The following TMEM132B variants were observed in gnomAD, a reference collection of about 807,000 sequenced individuals.
TMEM132B encodes transmembrane protein 132B.
Under a neutral mutation model 90.8 loss-of-function variants are expected in TMEM132B, and 18 were observed. The observed-to-expected ratio is 0.20, with a 90% confidence interval of 0.14 to 0.29. The LOEUF is 0.29. TMEM132B is among the 10% of genes least tolerant of loss of function. TMEM132B has a pLI of 1.00. For synonymous variants in TMEM132B, 504 were observed against 523.3 expected, an observed-to-expected ratio of 0.96 and a Z score of 0.50; for missense variants, 1,096 against 1,326.8, an observed-to-expected ratio of 0.83 and a Z score of 2.70.
rs567210338 is a variant in TMEM132B at position 125,658,212 on chromosome 12, A to G, written c.*3502A>G. Reference sequence around the variant, plus strand: ...ATAAAGTCATGCAGGGGGAAAGTTGATTAATTTTTGTCCCATTGCCACATC... The same window carrying G: ...ATAAAGTCATGCAGGGGGAAAGTTGGTTAATTTTTGTCCCATTGCCACATC... On this transcript the variant is annotated 3_prime_UTR_variant, in exon 9 of 9. Coordinates refer to ENST00000682704, the MANE Select transcript of TMEM132B (RefSeq NM_001366854.1). The G allele has an allele frequency of 1.3e-5, 2 of 152,358 alleles. No individual in the cohort carries two copies. Among genetic ancestry groups the G allele is most frequent in the South Asian group, 4.1e-4 (2 of 4,832 alleles). 9.4% of individuals were successfully genotyped at this position (152,358 alleles called of 1,614,324 possible).
rs188135517 is a variant in TMEM132B, at chr12:125,434,455, C to A, written c.1106+18778C>A. On this transcript the variant is annotated intron_variant, in intron 3 of 8. Transcript: ENST00000682704. ...TGTAATGTGTGTGTCCTTGGCCTGT[C>A]CGGGGTCAGCTGGCTTCCATCTGGG... is the stretch of plus-strand genomic sequence containing the variant. Among the ~76,000 whole-genome samples the A allele has an allele frequency of 6.5e-3, 880 of 135,740 alleles. 7 individuals are homozygous for A. Among genetic ancestry groups the A allele is most frequent in the African/African-American group, 8.6e-3 (314 of 36,636 alleles). 89.1% of individuals were successfully genotyped at this position (135,740 alleles called of 152,430 possible). A position where few individuals can be genotyped will look rare whatever the true frequency, so the allele number is the denominator to read the frequency against.
At chr12:125,559,879 C>T (rs1185780834) in intron 4 of TMEM132B, among the ~76,000 whole-genome samples, 5 of 152,118 alleles carry the variant, frequency 3.3e-5, no homozygotes, top group African/African-American at 9.7e-5. Context: ...GTCCTTGTTC[C>T]GAGTCCACCT....
At chr12:125,518,176 G>A (rs922156409) in intron 3 of TMEM132B, among the ~76,000 whole-genome samples, 7 of 152,172 alleles carry the variant, frequency 4.6e-5, no homozygotes, top group Admixed American at 3.9e-4. Flanking sequence ...GTATTCCAGT[G>A]TTCCTCTGAT....
At chr12:125,487,903 T>C (rs1882243145) in intron 3 of TMEM132B, among the ~76,000 whole-genome samples, 1 of 152,218 alleles carries the variant, frequency 6.6e-6, no homozygotes, top group Non-Finnish European at 1.5e-5. Context: ...CTTTAATATA[T>C]ATCATGTGAT....
intron 3 of TMEM132B, among the ~76,000 whole-genome samples, chr12:125,516,161 TCA>T (rs1256970263): frequency 1.3e-5 from 2 of 151,710 alleles, no homozygotes; most frequent in South Asian, 2.1e-4. Flanking sequence ...TATCACATTC[TCA>T]CACACACACT....
At chr12:125,335,916 G>T (rs939585213) in intron 1 of TMEM132B, among the ~76,000 whole-genome samples, 1 of 152,180 alleles carries the variant, frequency 6.6e-6, no homozygotes. Flanking sequence ...GAATCTGGGA[G>T]GGGGAGGTGG....
intron 3 of TMEM132B, among the ~76,000 whole-genome samples, chr12:125,493,902 C>A (rs543801690): frequency 8.7e-6 from 1 of 114,366 alleles, no homozygotes; most frequent in South Asian, 3.2e-4. Context: ...TGGAAATGGC[C>A]ATGTCCCTCC....
At chr12:125,322,454 A>G (rs929414422) in intron 1 of TMEM132B, among the ~76,000 whole-genome samples, 1 of 152,240 alleles carries the variant, frequency 6.6e-6, no homozygotes, top group African/African-American at 2.4e-5. Context: ...ATGTATGTGA[A>G]TATCTAGAAC....
chr12:125,233,440 G>A (rs1873867581), intron 1 of TMEM132B, among the ~76,000 whole-genome samples: 1 of 152,206 alleles, frequency 6.6e-6, no homozygotes, highest in Admixed American at 6.5e-5. Flanking sequence ...CCTGGAGGAA[G>A]CAGATGTCCC....
At chr12:125,300,668 T>A (rs1443730406) in intron 1 of TMEM132B, among the ~76,000 whole-genome samples, 2 of 152,260 alleles carry the variant, frequency 1.3e-5, no homozygotes, top group Non-Finnish European at 1.5e-5. Context: ...TCATAGCAAC[T>A]CCATGAGGTA....
intron 1 of TMEM132B, among the ~76,000 whole-genome samples, chr12:125,336,655 C>T (rs1023295901): frequency 3.9e-5 from 6 of 152,232 alleles, no homozygotes; most frequent in East Asian, 1.9e-4. Flanking sequence ...TGCAGTTGCA[C>T]GATAACAAGT....
intron 1 of TMEM132B, among the ~76,000 whole-genome samples, chr12:125,348,018 CAT>C (rs1469184170): frequency 1.3e-5 from 2 of 152,222 alleles, no homozygotes; most frequent in East Asian, 1.9e-4. Context: ...GACACACAAA[CAT>C]AAATATATAC....
At chr12:125,264,903 A>G (rs1332611131) in intron 1 of TMEM132B, among the ~76,000 whole-genome samples, 2 of 152,214 alleles carry the variant, frequency 1.3e-5, no homozygotes, top group Non-Finnish European at 2.9e-5. Flanking sequence ...TTGAACTATA[A>G]TACATAGTTA....
At chr12:125,268,478 A>T (rs1874746595) in intron 1 of TMEM132B, among the ~76,000 whole-genome samples, 1 of 152,262 alleles carries the variant, frequency 6.6e-6, no homozygotes, top group African/African-American at 2.4e-5. Flanking sequence ...AATGCTATAC[A>T]GCGTGAGAAA....
chr12:125,187,968 ACAGG>A (rs1474459079), intron 1 of TMEM132B, among the ~76,000 whole-genome samples: 7 of 152,212 alleles, frequency 4.6e-5, no homozygotes, highest in Admixed American at 2.6e-4. Flanking sequence ...AATCGCACAG[ACAGG>A]CAGAATGCAG....
chr12:125,584,295 G>A (rs536378171), intron 5 of TMEM132B: 28 of 341,554 alleles, frequency 8.2e-5, no homozygotes, highest in African/African-American at 2.9e-4. Flanking sequence ...ATCTTTCCTC[G>A]TAAGACAATA....
intron 1 of TMEM132B, among the ~76,000 whole-genome samples, chr12:125,320,160 C>T (rs1026966963): frequency 6.6e-6 from 1 of 152,196 alleles, no homozygotes; most frequent in Non-Finnish European, 1.5e-5. Flanking sequence ...GGAGCCTCAC[C>T]GTCCTGCTGG....
chr12:125,267,653 G>A (rs1414878336), intron 1 of TMEM132B, among the ~76,000 whole-genome samples: 4 of 152,130 alleles, frequency 2.6e-5, no homozygotes, highest in African/African-American at 4.8e-5. Context: ...TCATGGCTGG[G>A]GCATGCAATA....
rs918027710 is a variant in TMEM132B, at chr12:125,612,482, C to T, written c.1437+28488C>T. ...TCCATATCAAAAATAAATAAATAAA[C>T]AATAAAATAAAAATAAAAAAATGAC... On this transcript the variant is annotated intron_variant, in intron 5 of 8. Transcript: ENST00000682704. 2.0e-5 allele frequency among the ~76,000 whole-genome samples: 3 copies of T among 148,252 alleles called. No homozygotes were observed. The Admixed American group carries it at 2.0e-4, about 10-fold the overall frequency.
Sources: gnomAD v4.1 joint callset for allele counts (sites outside exome capture counted in the v4.1 genomes callset) on GRCh38, gnomAD v4.1.1 for gene constraint, MANE v1.5 for transcripts, NCBI Gene and HGNC (gene_info 2026-07-23, HGNC 2026-07-21) for gene names.